PAGE2B: variants seen among roughly 807,000 people sequenced by gnomAD.
The protein encoded by PAGE2B is PAGE family member 2B, also known as putative G antigen family E member 3.
PAGE2B carries 5 observed loss-of-function variants against 7.6 expected under a neutral mutation model. That is an observed-to-expected ratio of 0.66 (90% CI 0.34 to 1.38). The LOEUF is 1.38. Among genes scored for constraint, PAGE2B ranks in the 40% most tolerant of loss-of-function variants. The pLI is 0.04. For missense variants in PAGE2B, 70 were observed against 78.4 expected (o/e 0.89, Z 0.41); for synonymous variants, 29 against 26.7 (o/e 1.09, Z -0.27).
At chrX:55,070,563 G>A (rs1372866239), upstream of PAGE2B, among the ~76,000 whole-genome samples, 1 of 111,367 alleles carries the variant, frequency 9.0e-6, no homozygotes, top group Non-Finnish European at 1.9e-5. Context: ...TTGGTCCAGA[G>A]CTGAGTTAAA....
upstream of PAGE2B, among the ~76,000 whole-genome samples, chrX:55,072,664 C>T (rs1396561691): frequency 8.9e-6 from 1 of 112,583 alleles, no homozygotes; most frequent in African/African-American, 3.2e-5. Context: ...TGCAGCTGCA[C>T]CCACAGCCAC....
At chrX:55,047,277 C>T in the PAGE2B span, among the ~76,000 whole-genome samples, 1 of 111,800 alleles carries the variant, frequency 8.9e-6, no homozygotes, top group African/African-American at 3.3e-5. Flanking sequence ...TTTATGGCTG[C>T]ATAGTATTCC....
chrX:55,042,471 G>A, the PAGE2B span, among the ~76,000 whole-genome samples: 12 of 107,535 alleles, frequency 1.1e-4, no homozygotes, highest in African/African-American at 3.7e-4. Flanking sequence ...TGGCTAAAGC[G>A]GTGAAACCCC....
chrX:55,076,038 A>C lies in PAGE2B; in HGVS notation c.-4A>C. The C allele has an allele frequency of 9.1e-6, 11 of 1,205,278 alleles. No individual in the cohort carries two copies. Among genetic ancestry groups the C allele is most frequent in the Non-Finnish European group, 1.2e-5 (11 of 890,787 alleles). On this transcript the variant is annotated 5_prime_UTR_variant, in exon 2 of 5. Coordinates refer to ENST00000374971, the MANE Select transcript of PAGE2B (RefSeq NM_001015038.3). ...ATAACAGTATTCTATTTTCAGTGGGAAATATGAGTGAGCATGTGAGAACAA... is the reference window on the plus strand; with the variant it reads ...ATAACAGTATTCTATTTTCAGTGGGCAATATGAGTGAGCATGTGAGAACAA...
At chrX:55,062,795 G>A in the PAGE2B span, among the ~76,000 whole-genome samples, 3 of 111,462 alleles carry the variant, frequency 2.7e-5, no homozygotes, top group Non-Finnish European at 5.7e-5. Flanking sequence ...AGAGATAGGG[G>A]TGTAGTTTCA....
the PAGE2B span, chrX:55,054,808 G>A: frequency 9.0e-6 from 1 of 111,683 alleles, no homozygotes; most frequent in African/African-American, 3.3e-5. Flanking sequence ...TTTGGTGATG[G>A]TGGGGGCCAG....
chrX:55,069,131 A>G, the PAGE2B span, among the ~76,000 whole-genome samples: 3 of 111,802 alleles, frequency 2.7e-5, no homozygotes. Flanking sequence ...TTCAAAGGGA[A>G]TGCTTCCAGT....
At chrX:55,047,599 C>T in the PAGE2B span, among the ~76,000 whole-genome samples, 40 of 111,703 alleles carry the variant, frequency 3.6e-4, no homozygotes, top group African/African-American at 1.1e-3. Context: ...GACTTTCTAA[C>T]GATCGCCATT....
chrX:55,068,742 G>A, the PAGE2B span, among the ~76,000 whole-genome samples: 1 of 111,619 alleles, frequency 9.0e-6, no homozygotes, highest in Admixed American at 9.5e-5. Context: ...TCTCCTTGAA[G>A]AGGTACTTCA....
chrX:55,059,833 T>G, the PAGE2B span, among the ~76,000 whole-genome samples: 1 of 111,499 alleles, frequency 9.0e-6, no homozygotes, highest in African/African-American at 3.3e-5. Context: ...ATCAATTAGA[T>G]TTTTTTAGAG....
the PAGE2B span, among the ~76,000 whole-genome samples, chrX:55,028,784 C>CT: frequency 0.033 from 3,621 of 111,342 alleles, 156 homozygotes; most frequent in African/African-American, 0.11. Context: ...ATCTCATTAC[C>CT]TACCAAGAGA....
Position 55,077,812 on chromosome X carries a change from G to A in PAGE2B, c.319+288G>A, listed in dbSNP as rs1212898245. Among the ~76,000 whole-genome samples the A allele has an allele frequency of 3.7e-4, 42 of 112,278 alleles. No individual in the cohort carries two copies. The Admixed American group carries it at 3.9e-3, about 11-fold the overall frequency. On this transcript the variant is annotated intron_variant, in intron 4 of 4. Coordinates refer to ENST00000374971, the MANE Select transcript of PAGE2B (RefSeq NM_001015038.3). ...ATTGGGTCAAAGCTAATTGGATTACGATATGAAAGATATGAAACATGCTAA... is the reference window on the plus strand; with the variant it reads ...ATTGGGTCAAAGCTAATTGGATTACAATATGAAAGATATGAAACATGCTAA...
chrX:55,036,447 T>C, the PAGE2B span, among the ~76,000 whole-genome samples: 1 of 111,245 alleles, frequency 9.0e-6, no homozygotes, highest in Non-Finnish European at 1.9e-5. Context: ...TTGTCATAGA[T>C]AGCTCTTATT....
the PAGE2B span, among the ~76,000 whole-genome samples, chrX:55,044,415 A>G: frequency 9.0e-6 from 1 of 111,580 alleles, no homozygotes; most frequent in African/African-American, 3.3e-5. Flanking sequence ...ATGAGGATGC[A>G]AAGGCATAAG....
the PAGE2B span, among the ~76,000 whole-genome samples, chrX:55,034,734 G>C: frequency 5.7e-5 from 6 of 104,859 alleles, no homozygotes; most frequent in Admixed American, 1.0e-4. Flanking sequence ...ACTAATAGGA[G>C]ACACACACAC....
At chrX:55,036,632 G>A in the PAGE2B span, among the ~76,000 whole-genome samples, 3 of 110,869 alleles carry the variant, frequency 2.7e-5, no homozygotes, top group Admixed American at 9.6e-5. Flanking sequence ...GAAGCATCAC[G>A]CTACCTGACT....
rs2146468446 is a variant in PAGE2B at position 55,077,461 on chromosome X, G to A, written c.256G>A (p.Asp86Asn). The A allele has an allele frequency of 2.5e-6, 3 of 1,211,966 alleles. No individual in the cohort carries two copies. In the South Asian group the frequency reaches 5.3e-5, roughly 21 times the overall value. Residue 86 changes from aspartate (D) to asparagine (N), a missense_variant, in exon 4 of 5, where the codon GAT becomes AAT. By Grantham distance (23) the Asp-to-Asn change is conservative. Coordinates refer to ENST00000374971, the MANE Select transcript of PAGE2B (RefSeq NM_001015038.3). ...ALLKIEDEPG[D>N]GPDVREGIMP... ...GCTTAAGATAGAGGATGAGCCTGGA[G>A]ATGGTCCTGATGTCAGGGAGGGGAT... is the stretch of plus-strand genomic sequence containing the variant.
At chrX:55,076,003 C>CT in intron 1 of PAGE2B, 31 bp from the exon 2 acceptor site, 1 of 1,164,113 alleles carries the variant, frequency 8.6e-7, no homozygotes, top group South Asian at 1.9e-5. Flanking sequence ...TTCTTATACA[C>CT]TTTTTCCAAA....
At chrX:55,060,720 A>C in the PAGE2B span, among the ~76,000 whole-genome samples, 1 of 111,005 alleles carries the variant, frequency 9.0e-6, no homozygotes, top group Admixed American at 9.6e-5. Context: ...GCTTTCCTCT[A>C]TGTTTTCTTT....
Sources: allele counts gnomAD v4.1 joint callset (sites outside exome capture counted in the v4.1 genomes callset), GRCh38; gene constraint gnomAD v4.1.1; transcripts MANE v1.5; gene names NCBI Gene and HGNC (gene_info 2026-07-23, HGNC 2026-07-21).